The following CSTL1 variants were observed in gnomAD, a reference collection of about 807,000 sequenced individuals.
The protein encoded by CSTL1 is cystatin-like 1.
Under a neutral mutation model 14.4 loss-of-function variants are expected in CSTL1, and 14 were observed. That is an observed-to-expected ratio of 0.97 (90% CI 0.64 to 1.52). The LOEUF (loss-of-function observed/expected upper bound fraction) is 1.52. Among genes scored for constraint, CSTL1 ranks in the 40% most tolerant of loss-of-function variants. The pLI, the probability that CSTL1 is intolerant of heterozygous loss-of-function variation, is 0.00. For synonymous variants in CSTL1, 72 were observed against 67.5 expected (o/e 1.07, Z -0.33); for missense variants, 170 against 168.7 (o/e 1.01, Z -0.04).
At chr20:23,446,500 C>T (rs1259189463), downstream of CSTL1, among the ~76,000 whole-genome samples, 2 of 152,046 alleles carry the variant, frequency 1.3e-5, no homozygotes, top group East Asian at 1.9e-4. Context: ...TGGTGATCCA[C>T]CCGCCTCCGC....
At chr20:23,444,591 G>A (rs1986925014) in intron 3 of CSTL1, among the ~76,000 whole-genome samples, 180 bp from the exon 4 acceptor site, 1 of 152,168 alleles carries the variant, frequency 6.6e-6, no homozygotes, top group South Asian at 2.1e-4. Context: ...GGGGAAGACA[G>A]GGTGACATTC....
At chr20:23,441,493 T>G (rs1408188435) in intron 2 of CSTL1, among the ~76,000 whole-genome samples, 7 of 152,216 alleles carry the variant, frequency 4.6e-5, no homozygotes, top group Admixed American at 3.9e-4. Context: ...CCAGGACCCC[T>G]CAGGATGCCC....
At chr20:23,452,944 T>G in the CSTL1 span, 2 of 649,684 alleles carry the variant, frequency 3.1e-6, no homozygotes, top group Admixed American at 5.6e-5. Flanking sequence ...CCTCTCCTCC[T>G]CCTCCCCCTT....
downstream of CSTL1, among the ~76,000 whole-genome samples, chr20:23,446,573 A>G (rs902663787): frequency 6.6e-6 from 1 of 152,210 alleles, no homozygotes; most frequent in Non-Finnish European, 1.5e-5. Flanking sequence ...AGCCTTTCTA[A>G]GGACAGCAGT....
At chr20:23,453,775 C>T in the CSTL1 span, among the ~76,000 whole-genome samples, 3 of 152,180 alleles carry the variant, frequency 2.0e-5, no homozygotes, top group Admixed American at 6.5e-5. Flanking sequence ...TCCTCATGTG[C>T]CTCCAGGGGA....
At chr20:23,452,510 A>G in the CSTL1 span, 45 of 899,456 alleles carry the variant, frequency 5.0e-5, 1 homozygote, top group South Asian at 2.3e-4. Context: ...CTTGAGTGGG[A>G]CTATTCCTGA....
the CSTL1 span, among the ~76,000 whole-genome samples, chr20:23,460,139 G>A: frequency 8.5e-5 from 13 of 152,284 alleles, no homozygotes; most frequent in Admixed American, 1.3e-4. Flanking sequence ...CATTTATACC[G>A]TTCTGGGAAC....
downstream of CSTL1, among the ~76,000 whole-genome samples, chr20:23,448,202 C>T (rs1327300403): frequency 6.6e-6 from 1 of 152,158 alleles, no homozygotes; most frequent in Non-Finnish European, 1.5e-5. Context: ...CATATTGACA[C>T]TCTATTCTTT....
chr20:23,460,182 A>C, the CSTL1 span, among the ~76,000 whole-genome samples: 1 of 152,230 alleles, frequency 6.6e-6, no homozygotes. Flanking sequence ...ACAGCTCAGA[A>C]GGCAAATGGT....
chr20:23,450,441 A>G, the CSTL1 span: 2 of 997,540 alleles, frequency 2.0e-6, no homozygotes, highest in Non-Finnish European at 3.0e-6. Flanking sequence ...TGCCTATATT[A>G]AGGATTATTG....
chr20:23,459,817 C>T, the CSTL1 span, among the ~76,000 whole-genome samples: 6 of 152,312 alleles, frequency 3.9e-5, no homozygotes, highest in East Asian at 9.7e-4. Flanking sequence ...CTGTAGACTG[C>T]ATTTCCACAG....
In CSTL1 at chr20:23,444,894, A is replaced by C; in HGVS notation, c.*16A>C. ...CCTCAGATGAGGGCTCATATGATTGAGTTGTGCACTGGCTGTTATTAAACT... is the reference window on the plus strand; with the variant it reads ...CCTCAGATGAGGGCTCATATGATTGCGTTGTGCACTGGCTGTTATTAAACT... On this transcript the variant is annotated 3_prime_UTR_variant, in exon 4 of 4. Coordinates refer to ENST00000347397, the MANE Select transcript of CSTL1 (RefSeq NM_138283.1). 6.6e-7 allele frequency: 1 copy of C among 1,525,604 alleles called. No homozygotes were observed. Among genetic ancestry groups the C allele is most frequent in the Non-Finnish European group, 9.1e-7 (1 of 1,099,290 alleles). 94.5% of individuals were successfully genotyped at this position (1,525,604 alleles called of 1,614,324 possible).
chr20:23,447,918 C>A (rs553419059), downstream of CSTL1, among the ~76,000 whole-genome samples: 1 of 152,286 alleles, frequency 6.6e-6, no homozygotes, highest in South Asian at 2.1e-4. Flanking sequence ...CGATTTAAAT[C>A]TTGTTCAACC....
intron 2 of CSTL1, among the ~76,000 whole-genome samples, chr20:23,441,214 G>T (rs1986823760): frequency 6.6e-6 from 1 of 152,070 alleles, no homozygotes; most frequent in Non-Finnish European, 1.5e-5. Context: ...CAATGTGTAG[G>T]GTTGTAAAAT....
the CSTL1 span, among the ~76,000 whole-genome samples, chr20:23,460,529 A>G: frequency 6.6e-6 from 1 of 152,166 alleles, no homozygotes; most frequent in Non-Finnish European, 1.5e-5. Context: ...ATGTCAATTG[A>G]GGAAAATGGC....
intron 1 of CSTL1, 31 bp from the exon 2 acceptor site, chr20:23,440,113 G>T: frequency 1.5e-6 from 1 of 688,460 alleles, no homozygotes; most frequent in South Asian, 1.9e-5. Context: ...TGAGTGACAA[G>T]GTTCAGGTCT....
chr20:23,450,596 CA>C, the CSTL1 span: 10 of 1,597,990 alleles, frequency 6.3e-6, no homozygotes, highest in Admixed American at 1.7e-4. Context: ...CTTGCTAAAA[CA>C]AAAAACAAAG....
chr20:23,460,589 G>A, the CSTL1 span, among the ~76,000 whole-genome samples: 5 of 151,970 alleles, frequency 3.3e-5, no homozygotes, highest in Middle Eastern at 3.2e-3. Context: ...AGTTAAGGAC[G>A]CACCTGGGAG....
chr20:23,455,194 C>T, the CSTL1 span, among the ~76,000 whole-genome samples: 1 of 152,158 alleles, frequency 6.6e-6, no homozygotes, highest in Non-Finnish European at 1.5e-5. Context: ...TATTGCCATC[C>T]CAACTCTTGT....
Sources: gnomAD v4.1 joint callset for allele counts (sites outside exome capture counted in the v4.1 genomes callset) on GRCh38, gnomAD v4.1.1 for gene constraint, MANE v1.5 for transcripts, NCBI Gene and HGNC (gene_info 2026-07-23, HGNC 2026-07-21) for gene names.